Variants in TOGARAM1 observed in about 807,000 individuals in gnomAD.
TOGARAM1 encodes TOG array regulator of axonemal microtubules 1.
In TOGARAM1, 100 loss-of-function variants were observed where a neutral mutation model predicts 166.6. That is an observed-to-expected ratio of 0.60 (90% CI 0.51 to 0.71). The LOEUF (loss-of-function observed/expected upper bound fraction) is 0.71. TOGARAM1 is among the 30% of genes least tolerant of loss of function. The pLI, the probability that TOGARAM1 is intolerant of heterozygous loss-of-function variation, is 0.00. For synonymous variants in TOGARAM1, 758 were observed against 763.8 expected (o/e 0.99, Z 0.13); for missense variants, 2,029 against 2,102.7 (o/e 0.96, Z 0.69).
chr14:45,008,388 A>G (rs776887065), intron 5 of TOGARAM1, among the ~76,000 whole-genome samples: 2 of 152,020 alleles, frequency 1.3e-5, no homozygotes, highest in Non-Finnish European at 2.9e-5. Flanking sequence ...GCACGTGTCC[A>G]CCACCATGCC....
intron 19 of TOGARAM1, 23 bp downstream of exon 19, chr14:45,071,821 A>G (rs202120418): frequency 3.8e-6 from 6 of 1,559,622 alleles, no homozygotes; most frequent in Admixed American, 3.7e-5. Context: ...TAATTTCTAA[A>G]GAAATATTTT....
chr14:45,054,504 C>G lies in TOGARAM1; in HGVS notation c.4514C>G (p.Thr1505Arg), dbSNP rs542759991. The change falls in exon 16 of 20, where the codon ACA (threonine) becomes AGA (arginine). Residue 1505 changes from threonine to arginine, a missense_variant. Thr to Arg is a moderately conservative substitution (Grantham distance 71, BLOSUM62 -1). Transcript: ENST00000361462. ...RRSHTGSVGN[T>R]RSSSVSRDAF... ...TCTCATACTGGCAGTGTTGGAAATA[C>G]AAGATCATCATCTGTTTCTAGAGAT... 45 of 1,613,416 alleles carry G rather than the reference C, an allele frequency of 2.8e-5. No homozygotes were observed. In the Middle Eastern group the frequency reaches 8.3e-4, roughly 30 times the overall value.
At chr14:45,045,539 G>GTATA (rs1566659954) in intron 13 of TOGARAM1, among the ~76,000 whole-genome samples, 1 of 12,008 alleles carries the variant, frequency 8.3e-5, no homozygotes, top group Non-Finnish European at 1.3e-4. Context: ...CATGGTCTGT[G>GTATA]TGTGTATATA....
intron 7 of TOGARAM1, among the ~76,000 whole-genome samples, chr14:45,022,008 C>T (rs1880544587): frequency 6.6e-6 from 1 of 151,998 alleles, no homozygotes; most frequent in Non-Finnish European, 1.5e-5. Context: ...CAGAGCAGGC[C>T]ATGTGAGGTG....
intron 1 of TOGARAM1, among the ~76,000 whole-genome samples, chr14:44,973,596 C>A (rs1115185): frequency 0.19 from 28,384 of 149,940 alleles, 4,302 homozygotes; most frequent in African/African-American, 0.42. Flanking sequence ...CTCTCTCTCT[C>A]TATATATACA....
chr14:45,023,745 C>CT (rs879407766), intron 7 of TOGARAM1, among the ~76,000 whole-genome samples: 179 of 147,350 alleles, frequency 1.2e-3, no homozygotes, highest in Middle Eastern at 3.5e-3. Context: ...CATGGCATAA[C>CT]TTTTTTTTTT....
intron 7 of TOGARAM1, among the ~76,000 whole-genome samples, chr14:45,021,547 G>A (rs1880509796): frequency 6.6e-6 from 1 of 152,176 alleles, no homozygotes; most frequent in Non-Finnish European, 1.5e-5. Flanking sequence ...TGCTTGAAGA[G>A]CAGGCCCAGA....
chr14:44,995,851 T>C lies in TOGARAM1; in HGVS notation c.2152T>C (p.Phe718Leu), dbSNP rs1887386649. 3 of 1,610,984 alleles carry C rather than the reference T, an allele frequency of 1.9e-6. No individual in the cohort carries two copies. The highest frequency in any genetic ancestry group is 1.1e-5 in the South Asian group (1 of 90,170). The part of the protein sequence containing the change: ...FSRKRVSRNL[F>L]QNSRDFNPDC... Reference sequence around the variant, plus strand: ...CAGAAAAAGAGTATCAAGAAACTTATTTCAGAATAGTCGGGATTTTAACCC... The same window carrying C: ...CAGAAAAAGAGTATCAAGAAACTTACTTCAGAATAGTCGGGATTTTAACCC... The change falls in exon 2 of 20, where the codon TTT becomes CTT. Residue 718 changes from phenylalanine to leucine, a missense_variant. Physicochemically the swap from Phe to Leu is conservative, Grantham distance 22. This residue lies in a region of TOGARAM1 where 1,453 missense variants were observed against 1,432.2 expected (regional missense o/e 1.01). Coordinates refer to ENST00000361462, the MANE Select transcript of TOGARAM1 (RefSeq NM_001308120.2).
chr14:45,019,943 G>A (rs1880397896), intron 7 of TOGARAM1, among the ~76,000 whole-genome samples: 1 of 152,170 alleles, frequency 6.6e-6, no homozygotes, highest in Admixed American at 6.5e-5. Context: ...GGTGACTTCA[G>A]TGTCATCAAC....
chr14:44,964,951 TAAAAAAA>T (rs35780816), intron 1 of TOGARAM1, among the ~76,000 whole-genome samples: 1 of 85,906 alleles, frequency 1.2e-5, no homozygotes, highest in Non-Finnish European at 2.2e-5. Flanking sequence ...ACTAGAAAAG[TAAAAAAA>T]AAAAAAAAAA....
At chr14:45,038,101 T>G (rs1881529878) in intron 11 of TOGARAM1, among the ~76,000 whole-genome samples, 1 of 152,034 alleles carries the variant, frequency 6.6e-6, no homozygotes, top group Non-Finnish European at 1.5e-5. Flanking sequence ...GAGATGGGGT[T>G]TTTCTATGTT....
Position 45,004,115 on chromosome 14 carries a change from CAG to C in TOGARAM1, c.2396_2397del (p.Glu799ValfsTer27). 6.2e-7 allele frequency: 1 copy of C among 1,614,080 alleles called. No individual in the cohort carries two copies. Among genetic ancestry groups the C allele is most frequent in the South Asian group, 1.1e-5 (1 of 91,078 alleles). On this transcript the variant is annotated frameshift_variant, in exon 4 of 20. Coordinates refer to ENST00000361462, the MANE Select transcript of TOGARAM1 (RefSeq NM_001308120.2). LOFTEE classifies it high-confidence loss of function. ...ACACAGCAAACATTTGGTAGTCAAA[CAG>C]AGTGTACTTCCTCAAATGGTCAAAA... is the stretch of plus-strand genomic sequence containing the variant.
chr14:45,025,415 T>C (rs2138901688), intron 7 of TOGARAM1: 1 of 156,118 alleles, frequency 6.4e-6, no homozygotes, highest in South Asian at 1.9e-4. Flanking sequence ...AATACAAAAA[T>C]GAGCTGAGCA....
chr14:45,068,437 T>C lies in TOGARAM1; in HGVS notation c.4763T>C (p.Phe1588Ser). Residue 1588 changes from phenylalanine to serine, a missense_variant, in exon 18 of 20, where the codon TTT (phenylalanine) becomes TCT (serine). Physicochemically the swap from Phe to Ser is radical, Grantham distance 155. Around this residue, in one of 2 missense-constraint regions of TOGARAM1, gnomAD observed 576 missense variants for 670.5 expected, o/e 0.86. Coordinates refer to ENST00000361462, the MANE Select transcript of TOGARAM1 (RefSeq NM_001308120.2). ...VGNIVKIFDA[F>S]KSRLHDSNSK... Reference sequence around the variant, plus strand: ...ATTTATTTTCAGATTTTTGATGCTTTTAAATCTCGACTTCATGATTCTAAT... The same window carrying C: ...ATTTATTTTCAGATTTTTGATGCTTCTAAATCTCGACTTCATGATTCTAAT... The C allele has an allele frequency of 6.2e-7, 1 of 1,606,100 alleles. No homozygotes were observed. The highest frequency in any genetic ancestry group is 8.5e-7 in the Non-Finnish European group (1 of 1,177,116).
At chr14:45,017,386 C>G (rs1245485823) in intron 7 of TOGARAM1, among the ~76,000 whole-genome samples, 1 of 149,362 alleles carries the variant, frequency 6.7e-6, no homozygotes, top group African/African-American at 2.5e-5. Flanking sequence ...CCAGGAAATG[C>G]ACCAGATACA....
chr14:44,967,327 A>G (rs934338053), intron 1 of TOGARAM1, among the ~76,000 whole-genome samples: 6 of 152,104 alleles, frequency 3.9e-5, no homozygotes, highest in South Asian at 2.1e-4. Flanking sequence ...CATCAGTAAT[A>G]TTTATTCATA....
chr14:44,988,292 A>G (rs913018248), intron 1 of TOGARAM1, among the ~76,000 whole-genome samples: 2 of 152,200 alleles, frequency 1.3e-5, no homozygotes, highest in African/African-American at 4.8e-5. Flanking sequence ...ATTTAATCCA[A>G]TATGATATAA....
chr14:44,988,129 T>C (rs1295048394), intron 1 of TOGARAM1, among the ~76,000 whole-genome samples: 2 of 136,592 alleles, frequency 1.5e-5, no homozygotes, highest in Non-Finnish European at 3.2e-5. Context: ...GGGGGAGGGA[T>C]AGCATTAGGA....
At chr14:44,984,659 C>T (rs1886695560) in intron 1 of TOGARAM1, among the ~76,000 whole-genome samples, 1 of 151,558 alleles carries the variant, frequency 6.6e-6, no homozygotes, top group Admixed American at 6.6e-5. Flanking sequence ...CCTGTAGTCC[C>T]AGCTGCTTGG....
Sources: allele counts gnomAD v4.1 joint callset (sites outside exome capture counted in the v4.1 genomes callset), GRCh38; gene constraint gnomAD v4.1.1; regional missense constraint gnomAD v4.1.1; transcripts MANE v1.5; gene names NCBI Gene and HGNC (gene_info 2026-07-23, HGNC 2026-07-21).